Variants in VWDE observed in about 807,000 individuals in gnomAD.
VWDE encodes the protein von Willebrand factor D and EGF domains.
A neutral mutation model predicts 178.4 loss-of-function variants in VWDE; 207 were observed. The observed-to-expected ratio is 1.16, with a 90% confidence interval of 1.04 to 1.30. The LOEUF is 1.30. VWDE is among the 50% of genes most tolerant of loss of function. VWDE has a pLI of 0.00. For missense variants in VWDE, 2,287 were observed against 1,901.3 expected, an observed-to-expected ratio of 1.20 and a Z score of -3.77; for synonymous variants, 738 against 651.4, an observed-to-expected ratio of 1.13 and a Z score of -2.02.
chr7:12,335,353 T>G (rs1780961884), intron 27 of VWDE, among the ~76,000 whole-genome samples: 1 of 152,230 alleles, frequency 6.6e-6, no homozygotes, highest in South Asian at 2.1e-4. Flanking sequence ...TTCATCTATG[T>G]AGAAATTTAT....
At chr7:12,377,108 C>T (rs985661072) in intron 7 of VWDE, among the ~76,000 whole-genome samples, 1 of 152,088 alleles carries the variant, frequency 6.6e-6, no homozygotes, top group Admixed American at 6.6e-5. Context: ...ATCTCTACAT[C>T]AGGGGCTCAG....
chr7:12,359,864 A>G (rs1782478207), intron 15 of VWDE, among the ~76,000 whole-genome samples, 172 bp from the exon 16 acceptor site: 1 of 152,138 alleles, frequency 6.6e-6, no homozygotes, highest in Non-Finnish European at 1.5e-5. Context: ...TGAATACGTA[A>G]ATGTCTACAA....
chr7:12,399,173 T>TGCACACTTTGTGTG (rs1784762806), intron 1 of VWDE, among the ~76,000 whole-genome samples: 1 of 152,104 alleles, frequency 6.6e-6, no homozygotes, highest in South Asian at 2.1e-4. Context: ...TCTTTACGTA[T>TGCACACTTTGTGTG]CAAAAGACAA....
Position 12,379,462 on chromosome 7 carries a change from C to A in VWDE, c.879+15G>T. 6.6e-7 allele frequency: 1 copy of A among 1,523,886 alleles called. No individual in the cohort carries two copies. 94.4% of individuals were successfully genotyped at this position (1,523,886 alleles called of 1,614,324 possible). Reference sequence around the variant, plus strand: ...AGAGGAATAATCTTTCTGATGCATCCCCACTGCTGCGTACCTTAAAGCCTG... The same window carrying A: ...AGAGGAATAATCTTTCTGATGCATCACCACTGCTGCGTACCTTAAAGCCTG... On this transcript the variant is annotated intron_variant, in intron 6 of 28. Transcript: ENST00000275358.
Position 12,357,439 on chromosome 7 carries a change from G to A in VWDE, c.3351C>T (p.Phe1117=), listed in dbSNP as rs187389208. 6.4e-4 allele frequency: 995 copies of A among 1,551,918 alleles called. 9 individuals carry two copies. The African/African-American group carries it at 0.012, about 19-fold the overall frequency. The change falls in exon 17 of 29, where the codon TTC becomes TTT. Residue 1117 remains phenylalanine (F), a synonymous_variant. Transcript: ENST00000275358. Reference sequence around the variant, plus strand: ...CAGAACCTTCTGGATCGAAGGCCACGAACTGATACTCAAAGTTTTCACCAT... The same window carrying A: ...CAGAACCTTCTGGATCGAAGGCCACAAACTGATACTCAAAGTTTTCACCAT... ...TFYGENFEYQ[F]VAFDPEGSDI...
chr7:12,374,818 A>G, intron 8 of VWDE, 56 bp from the exon 9 acceptor site: 2 of 1,232,924 alleles, frequency 1.6e-6, no homozygotes, highest in East Asian at 2.6e-5. Context: ...TTAGTGATAT[A>G]TAAAAAATTG....
chr7:12,386,881 T>C (rs552169070), intron 3 of VWDE, among the ~76,000 whole-genome samples: 8 of 152,332 alleles, frequency 5.3e-5, no homozygotes, highest in Admixed American at 5.2e-4. Flanking sequence ...AAGGAGATGC[T>C]GTGTTGATTA....
Position 12,374,777 on chromosome 7 carries a change from T to C in VWDE, c.1243-15A>G, listed in dbSNP as rs1783420179. 4 of 1,496,490 alleles carry C rather than the reference T, an allele frequency of 2.7e-6. No homozygotes were observed. Among genetic ancestry groups the C allele is most frequent in the Non-Finnish European group, 2.7e-6 (3 of 1,112,366 alleles). 92.7% of individuals were successfully genotyped at this position (1,496,490 alleles called of 1,614,324 possible). A position where few individuals can be genotyped will look rare whatever the true frequency, so the allele number is the denominator to read the frequency against. On this transcript the variant is annotated splice_polypyrimidine_tract_variant and intron_variant, in intron 8 of 28. Coordinates refer to ENST00000275358, the MANE Select transcript of VWDE (RefSeq NM_001135924.3). ...TTTACTTTGATCTTAAAAGCAAAGA[T>C]ATTTTTGGTAAATATTACCATTAAT...
At chr7:12,355,576 A>C (rs975848068) in intron 18 of VWDE, among the ~76,000 whole-genome samples, 1 of 152,190 alleles carries the variant, frequency 6.6e-6, no homozygotes, top group Non-Finnish European at 1.5e-5. Flanking sequence ...GAAAATATTC[A>C]TATGAGTTTT....
intron 19 of VWDE, among the ~76,000 whole-genome samples, chr7:12,346,876 A>T (rs1311155044): frequency 6.6e-6 from 1 of 152,258 alleles, no homozygotes; most frequent in South Asian, 2.1e-4. Flanking sequence ...TTAAGATTTT[A>T]TGTAAATCAA....
At chr7:12,338,692 T>G (rs561392527) in intron 24 of VWDE, among the ~76,000 whole-genome samples, 1 of 152,134 alleles carries the variant, frequency 6.6e-6, no homozygotes, top group South Asian at 2.1e-4. Context: ...ATGAGATCTA[T>G]AGGCCTCATT....
chr7:12,353,136 G>C (rs541590398), intron 18 of VWDE, among the ~76,000 whole-genome samples: 37 of 152,196 alleles, frequency 2.4e-4, no homozygotes, highest in African/African-American at 8.7e-4. Context: ...CACAGACTGC[G>C]GGGCTTAAAC....
chr7:12,335,486 C>T (rs1780969521), intron 27 of VWDE, among the ~76,000 whole-genome samples: 1 of 151,628 alleles, frequency 6.6e-6, no homozygotes, highest in Non-Finnish European at 1.5e-5. Context: ...GACGGAGTCT[C>T]GCTCTGTCGC....
At position 12,369,583 on chromosome 7, in the gene VWDE, G is replaced by A. The variant is rs77088407; in HGVS notation, c.2723C>T (p.Ser908Phe). 4,074 of 1,546,028 alleles carry A rather than the reference G, an allele frequency of 2.6e-3. 85 individuals carry two copies. In the African/African-American group the frequency reaches 0.047, roughly 18 times the overall value. The part of the protein sequence containing the change: ...GQCMEWGCAC[S>F]PSFSSYDCSD... ...GCAGTCATAGGAACTAAAGCTTGGG[G>A]AACACGCACACCCCCATTCCATGCA... Residue 908 changes from serine (S) to phenylalanine (F), a missense_variant, in exon 12 of 29, where the codon TCC (serine) becomes TTC (phenylalanine). By Grantham distance (155) the Ser-to-Phe change is radical. Coordinates refer to ENST00000275358, the MANE Select transcript of VWDE (RefSeq NM_001135924.3).
chr7:12,400,300 T>C (rs1387597228), intron 1 of VWDE, among the ~76,000 whole-genome samples: 16 of 151,976 alleles, frequency 1.1e-4, no homozygotes. Flanking sequence ...TTTGAAAGAA[T>C]CAACAAAACT....
intron 19 of VWDE, among the ~76,000 whole-genome samples, chr7:12,347,962 A>G (rs1181496513): frequency 6.6e-6 from 1 of 152,170 alleles, no homozygotes; most frequent in Non-Finnish European, 1.5e-5. Flanking sequence ...TGACAAAAAC[A>G]AGCAATGGGG....
chr7:12,335,117 T>C (rs1169113111), intron 27 of VWDE, among the ~76,000 whole-genome samples: 1 of 152,178 alleles, frequency 6.6e-6, no homozygotes, highest in Non-Finnish European at 1.5e-5. Context: ...GTACATTATT[T>C]CTAGTAAAAA....
intron 1 of VWDE, 38 bp downstream of exon 1, chr7:12,403,621 C>A (rs1319035279): frequency 6.6e-7 from 1 of 1,526,510 alleles, no homozygotes; most frequent in Non-Finnish European, 8.8e-7. Context: ...CACGCGGCGC[C>A]ACTGCGCGCC....
intron 19 of VWDE, 25 bp from the exon 20 acceptor site, chr7:12,344,494 G>A: frequency 6.6e-7 from 1 of 1,518,268 alleles, no homozygotes; most frequent in Non-Finnish European, 8.9e-7. Flanking sequence ...AAGAAAAAAA[G>A]GTTGATTGCT....
Sources: gnomAD v4.1 joint callset for allele counts (sites outside exome capture counted in the v4.1 genomes callset) on GRCh38, gnomAD v4.1.1 for gene constraint, MANE v1.5 for transcripts, NCBI Gene and HGNC (gene_info 2026-07-23, HGNC 2026-07-21) for gene names.